The following CFAP91 variants were observed in gnomAD, a reference collection of about 807,000 sequenced individuals.
The protein encoded by CFAP91 is cilia and flagella associated protein 91, also known as cilia- and flagella-associated protein 91.
Under a neutral mutation model 95.9 loss-of-function variants are expected in CFAP91, and 85 were observed. The observed-to-expected ratio is 0.89, with a 90% CI of 0.74 to 1.06. The LOEUF is 1.06. Among genes scored for constraint, CFAP91 ranks in the 50% least tolerant of loss-of-function variants. The pLI, the probability that CFAP91 is intolerant of heterozygous loss-of-function variation, is 0.00. For synonymous variants in CFAP91, 335 were observed against 327.5 expected (o/e 1.02, Z -0.25); for missense variants, 962 against 943.4 (o/e 1.02, Z -0.26).
chr3:119,745,440 G>A (rs2054202340), intron 14 of CFAP91, among the ~76,000 whole-genome samples: 1 of 152,144 alleles, frequency 6.6e-6, no homozygotes, highest in East Asian at 1.9e-4. Context: ...ATAATCTGGT[G>A]TGCACAACAT....
At chr3:119,726,468 A>G in intron 7 of CFAP91, 120 bp downstream of exon 7, 1 of 947,210 alleles carries the variant, frequency 1.1e-6, no homozygotes, top group Non-Finnish European at 1.5e-6. Flanking sequence ...ACCTATAGAG[A>G]TAGGAAATTG....
rs776333634 is a variant in CFAP91 at position 119,732,465 on chromosome 3, A to G, written c.1190A>G (p.Asn397Ser). The G allele has an allele frequency of 1.0e-5, 16 of 1,599,542 alleles. 1 individual carries two copies. The South Asian group carries it at 1.7e-4, about 17-fold the overall frequency. Residue 397 changes from asparagine to serine, a missense_variant, in exon 9 of 18, where the codon AAC becomes AGC. Asn to Ser is a conservative substitution (Grantham distance 46, BLOSUM62 1). Transcript: ENST00000273390. ...EDFVVKNYYLNTYEGLVELES... is the reference protein window; with the variant it reads ...EDFVVKNYYLSTYEGLVELES... The stretch of plus-strand genomic sequence containing the variant: ...TTTGTAGTAAAAAACTACTATCTCA[A>G]CACCTATGAAGGTAAGCAATTTACA...
At chr3:119,759,564 G>C (rs2054495417) in intron 17 of CFAP91, among the ~76,000 whole-genome samples, 1 of 151,878 alleles carries the variant, frequency 6.6e-6, no homozygotes, top group Non-Finnish European at 1.5e-5. Context: ...AAACTCATTG[G>C]TAAAAGTAAG....
At position 119,766,841 on chromosome 3, in the gene CFAP91, A is replaced by T. The variant is rs2054639771; in HGVS notation, c.*1791A>T. 6.6e-6 allele frequency: 1 copy of T among 151,882 alleles called. No individual in the cohort carries two copies. Among genetic ancestry groups the T allele is most frequent in the Admixed American group, 6.6e-5 (1 of 15,092 alleles). The allele number at this position is 151,882 out of a possible 1,614,324, so 9.4% of individuals were successfully genotyped here. On this transcript the variant is annotated 3_prime_UTR_variant, in exon 18 of 18. Transcript: ENST00000273390. ...ATAAAGGACATGTGTAATGAAACTT[A>T]AAATATGATATTTTCTTTAAAAATC...
At chr3:119,747,928 T>G in intron 16 of CFAP91, 26 bp downstream of exon 16, 2 of 1,524,818 alleles carry the variant, frequency 1.3e-6, no homozygotes, top group East Asian at 4.5e-5. Context: ...TGCTTTACTT[T>G]AGGATTTTTT....
intron 13 of CFAP91, among the ~76,000 whole-genome samples, chr3:119,741,563 A>G (rs981930588): frequency 2.6e-5 from 4 of 152,164 alleles, no homozygotes; most frequent in African/African-American, 4.8e-5. Context: ...TATTTTTCCT[A>G]TTTTCTTCCA....
chr3:119,725,147 CT>C (rs2053757693), intron 6 of CFAP91, among the ~76,000 whole-genome samples: 1 of 152,178 alleles, frequency 6.6e-6, no homozygotes, highest in African/African-American at 2.4e-5. Context: ...AAACAGGAAA[CT>C]TGTTCCAGCC....
Position 119,709,895 on chromosome 3 carries a change from A to C in CFAP91, c.500A>C (p.Lys167Thr), listed in dbSNP as rs773895249. The change falls in exon 5 of 18, where the codon AAG becomes ACG. Residue 167 changes from lysine (K) to threonine (T), a missense_variant and splice_region_variant. Physicochemically the swap from Lys to Thr is moderately conservative, Grantham distance 78. Transcript: ENST00000273390. ...TTCAATGTTGTTTATGCCGTATCCA[A>C]GTAAGTAACCATTATTTGAAAACTC... ...MPFNVVYAVS[K>T]AEPYTFPPTS... The C allele has an allele frequency of 4.4e-6, 7 of 1,604,636 alleles. 1 individual carries two copies. The East Asian group carries it at 1.6e-4, about 36-fold the overall frequency.
At chr3:119,722,871 G>A (rs2053713883) in intron 6 of CFAP91, among the ~76,000 whole-genome samples, 1 of 152,030 alleles carries the variant, frequency 6.6e-6, no homozygotes. Context: ...AGGGATTTAT[G>A]GTGAAAAGTA....
intron 17 of CFAP91, among the ~76,000 whole-genome samples, chr3:119,764,708 G>A (rs559988281): frequency 6.6e-6 from 1 of 152,114 alleles, no homozygotes; most frequent in African/African-American, 2.4e-5. Flanking sequence ...GCTGTTGCCA[G>A]GCATGGAAAC....
At chr3:119,711,971 G>T (rs1360267153) in intron 5 of CFAP91, among the ~76,000 whole-genome samples, 1 of 152,216 alleles carries the variant, frequency 6.6e-6, no homozygotes, top group Non-Finnish European at 1.5e-5. Flanking sequence ...CATGCTCCTG[G>T]TGCCTGGGCA....
chr3:119,745,878 T>A (rs115056399), intron 14 of CFAP91, among the ~76,000 whole-genome samples: 22 of 152,346 alleles, frequency 1.4e-4, no homozygotes, highest in Non-Finnish European at 2.8e-4. Context: ...TACAGTATCA[T>A]ATACTCAGAA....
At chr3:119,760,315 G>A (rs1358742538) in intron 17 of CFAP91, among the ~76,000 whole-genome samples, 2 of 151,790 alleles carry the variant, frequency 1.3e-5, no homozygotes, top group Non-Finnish European at 1.5e-5. Flanking sequence ...TGATAAAGGG[G>A]TCGATTCATC....
At chr3:119,719,716 A>C (rs1456791348) in intron 6 of CFAP91, among the ~76,000 whole-genome samples, 1 of 152,238 alleles carries the variant, frequency 6.6e-6, no homozygotes, top group Non-Finnish European at 1.5e-5. Context: ...AGATGCAAAC[A>C]GAGTATTGGG....
At chr3:119,708,189 G>A (rs188571796) in intron 3 of CFAP91, among the ~76,000 whole-genome samples, 8 of 151,218 alleles carry the variant, frequency 5.3e-5, no homozygotes, top group African/African-American at 1.9e-4. Context: ...GCTGAGGCAG[G>A]AGAATGGCAT....
At chr3:119,717,099 G>A (rs756955956) in intron 6 of CFAP91, among the ~76,000 whole-genome samples, 19 of 152,234 alleles carry the variant, frequency 1.2e-4, no homozygotes, top group Non-Finnish European at 1.8e-4. Context: ...GGAACCTTTG[G>A]TGGTGAGTAG....
intron 17 of CFAP91, among the ~76,000 whole-genome samples, chr3:119,759,543 A>G (rs963698321): frequency 6.6e-6 from 1 of 151,970 alleles, no homozygotes; most frequent in Non-Finnish European, 1.5e-5. Context: ...ACAAAAACAT[A>G]TGAAAGTATA....
At chr3:119,759,917 C>T (rs1390604886) in intron 17 of CFAP91, among the ~76,000 whole-genome samples, 1 of 151,670 alleles carries the variant, frequency 6.6e-6, no homozygotes, top group Non-Finnish European at 1.5e-5. Context: ...AGGCATGGCG[C>T]TAGAGAAAGT....
At chr3:119,751,519 G>T (rs2054325155) in intron 17 of CFAP91, among the ~76,000 whole-genome samples, 1 of 152,170 alleles carries the variant, frequency 6.6e-6, no homozygotes, top group Admixed American at 6.6e-5. Flanking sequence ...GACACCTTCT[G>T]CAGTGCCCAC....
Sources: allele counts gnomAD v4.1 joint callset (sites outside exome capture counted in the v4.1 genomes callset), GRCh38; gene constraint gnomAD v4.1.1; transcripts MANE v1.5; gene names NCBI Gene and HGNC (gene_info 2026-07-23, HGNC 2026-07-21).